Variants in SNRNP40 observed in about 807,000 individuals in gnomAD.
SNRNP40 encodes U5 small nuclear ribonucleoprotein 40 kDa protein.
Under a neutral mutation model 45.8 loss-of-function variants are expected in SNRNP40, and 21 were observed. The ratio of observed to expected loss-of-function variants is 0.46; its 90% CI spans 0.32 to 0.66. The LOEUF (loss-of-function observed/expected upper bound fraction) is 0.66. Ranked by LOEUF, SNRNP40 falls within the 30% of genes least tolerant of loss-of-function variation. The pLI is 0.03. For synonymous variants in SNRNP40, 142 were observed against 163.8 expected, an observed-to-expected ratio of 0.87 and a Z score of 1.01; for missense variants, 344 against 439.1, an observed-to-expected ratio of 0.78 and a Z score of 1.94.
intron 5 of SNRNP40, among the ~76,000 whole-genome samples, chr1:31,273,186 T>A (rs531203444): frequency 2.0e-4 from 30 of 152,352 alleles, no homozygotes; most frequent in African/African-American, 7.0e-4. Context: ...AAGCTGTTGT[T>A]CCTTCTCTTC....
chr1:31,261,082 TG>T (rs1645855715), intron 9 of SNRNP40: 1 of 1,217,932 alleles, frequency 8.2e-7, no homozygotes, highest in Non-Finnish European at 1.1e-6. Flanking sequence ...GGCTCACACC[TG>T]TAATCCCAGC....
chr1:31,259,781 AC>A lies in SNRNP40; in HGVS notation c.*290del. On this transcript the variant is annotated 3_prime_UTR_variant, in exon 10 of 10. Coordinates refer to ENST00000263694, the MANE Select transcript of SNRNP40 (RefSeq NM_004814.3). ...AAAAAAAAAAAAAAAATCCCAACCA[AC>A]AAATTTGTCACATTGGGCCTGCATT... 1 of 563,002 alleles carries A rather than the reference AC, an allele frequency of 1.8e-6. No individual in the cohort carries two copies. The highest frequency in any genetic ancestry group is 3.3e-6 in the Non-Finnish European group (1 of 306,482). The allele number at this position is 563,002 out of a possible 1,614,324, so 34.9% of individuals were successfully genotyped here. A position where few individuals can be genotyped will look rare whatever the true frequency, so the allele number is the denominator to read the frequency against.
chr1:31,293,381 C>T (rs1283945337), intron 1 of SNRNP40, 33 bp from the exon 2 acceptor site: 1 of 1,567,910 alleles, frequency 6.4e-7, no homozygotes. Flanking sequence ...GTAACTACTG[C>T]ATACAGACAA....
chr1:31,289,968 TC>T (rs1030057565), intron 3 of SNRNP40, among the ~76,000 whole-genome samples: 11 of 152,126 alleles, frequency 7.2e-5, no homozygotes, highest in African/African-American at 2.7e-4. Context: ...CAAGTGATCC[TC>T]CCACCTCAGC....
chr1:31,263,913 T>TAAAAAAAAA, intron 8 of SNRNP40, among the ~76,000 whole-genome samples: 1 of 107,006 alleles, frequency 9.3e-6, no homozygotes, highest in Non-Finnish European at 1.8e-5. Flanking sequence ...ATGTACTGGC[T>TAAAAAAAAA]AAAAAAAAAA....
chr1:31,287,674 C>G (rs1015703680), intron 4 of SNRNP40, among the ~76,000 whole-genome samples: 4 of 152,106 alleles, frequency 2.6e-5, no homozygotes, highest in African/African-American at 9.7e-5. Context: ...CAAGGGGCCC[C>G]AAGTGATTAG....
intron 1 of SNRNP40, 98 bp from the exon 2 acceptor site, chr1:31,293,446 T>C (rs1426367437): frequency 4.9e-6 from 6 of 1,227,442 alleles, no homozygotes; most frequent in Non-Finnish European, 6.7e-6. Flanking sequence ...AAGAAAACAA[T>C]GATTAAGTGG....
chr1:31,277,120 C>T (rs887543434), intron 5 of SNRNP40, among the ~76,000 whole-genome samples: 2 of 152,064 alleles, frequency 1.3e-5, no homozygotes, highest in Non-Finnish European at 2.9e-5. Flanking sequence ...TTGCTTGAGC[C>T]CAGAAGGTCA....
At chr1:31,296,372 T>G (rs1646157573) in intron 1 of SNRNP40, among the ~76,000 whole-genome samples, 1 of 152,210 alleles carries the variant, frequency 6.6e-6, no homozygotes, top group African/African-American at 2.4e-5. Flanking sequence ...GGTCCTCAAC[T>G]CTAATTCTAA....
chr1:31,289,357 C>G lies in SNRNP40; in HGVS notation c.428G>C (p.Arg143Thr). ...VAVWDSETGE[R>T]VKRLKGHTSF... ...AGTATGTCCCTTTAGCCTTTTAACC[C>G]TCTCACCTGTTTCACTATCCCACAC... is the stretch of plus-strand genomic sequence containing the variant. Residue 143 changes from arginine to threonine, a missense_variant, in exon 4 of 10, where the codon AGG (arginine) becomes ACG (threonine). Physicochemically the swap from Arg to Thr is moderately conservative, Grantham distance 71 (BLOSUM62 -1). This residue lies in a region of SNRNP40 where 254 missense variants were observed against 380.2 expected (regional missense o/e 0.67). Transcript: ENST00000263694. The G allele has an allele frequency of 6.2e-7, 1 of 1,614,138 alleles. No individual in the cohort carries two copies. The highest frequency in any genetic ancestry group is 8.5e-7 in the Non-Finnish European group (1 of 1,179,962).
chr1:31,278,632 T>G (rs1383606571), intron 5 of SNRNP40, among the ~76,000 whole-genome samples: 4 of 152,220 alleles, frequency 2.6e-5, no homozygotes, highest in Non-Finnish European at 5.9e-5. Flanking sequence ...GTTCTGATTC[T>G]TCATTCTCCA....
intron 3 of SNRNP40, 110 bp from the exon 4 acceptor site, chr1:31,289,529 G>A: frequency 1.1e-6 from 1 of 871,192 alleles, no homozygotes; most frequent in South Asian, 1.6e-5. Context: ...CTGACCTGCT[G>A]TGCTACGCCA....
rs146413335 is a variant in SNRNP40 at position 31,274,975 on chromosome 1, A to G, written c.655-3476T>C. Reference sequence around the variant, plus strand: ...CAAATAAAAACCAGGCTCTCTGAGGAGCATCTCCTAATATAGTGAGGCAGT... The same window carrying G: ...CAAATAAAAACCAGGCTCTCTGAGGGGCATCTCCTAATATAGTGAGGCAGT... On this transcript the variant is annotated intron_variant, in intron 5 of 9. Coordinates refer to ENST00000263694, the MANE Select transcript of SNRNP40 (RefSeq NM_004814.3). 1.3e-3 allele frequency among the ~76,000 whole-genome samples: 200 copies of G among 152,336 alleles called. 1 individual carries two copies. The highest frequency in any genetic ancestry group is 4.7e-3 in the African/African-American group (194 of 41,582).
intron 8 of SNRNP40, among the ~76,000 whole-genome samples, chr1:31,267,226 T>A (rs1645903374): frequency 6.6e-6 from 1 of 152,036 alleles, no homozygotes; most frequent in Non-Finnish European, 1.5e-5. Flanking sequence ...AGGTGGGTAT[T>A]TAATATGTGT....
chr1:31,281,743 A>G (rs572042192), intron 4 of SNRNP40: 1 of 319,354 alleles, frequency 3.1e-6, no homozygotes, highest in South Asian at 8.5e-5. Flanking sequence ...TGAAGTGAAC[A>G]GAGTTAAATC....
intron 6 of SNRNP40, chr1:31,269,617 A>C (rs1645923352): frequency 5.3e-6 from 2 of 374,550 alleles, no homozygotes; most frequent in South Asian, 2.1e-4. Flanking sequence ...AACTACTGTG[A>C]CAATGAACTT....
intron 4 of SNRNP40, among the ~76,000 whole-genome samples, chr1:31,286,115 T>G (rs1318353109): frequency 6.6e-6 from 1 of 152,118 alleles, no homozygotes; most frequent in Non-Finnish European, 1.5e-5. Flanking sequence ...GGGGTCTTGT[T>G]GCTCCTAAAC....
chr1:31,280,745 A>G (rs537899994), intron 5 of SNRNP40, among the ~76,000 whole-genome samples: 1 of 151,542 alleles, frequency 6.6e-6, no homozygotes, highest in East Asian at 1.9e-4. Context: ...AATCCCCACA[A>G]TGGTATGTGG....
Position 31,271,394 on chromosome 1 carries a change from C to T in SNRNP40, c.760G>A (p.Ala254Thr). ...SSEGSYLLSN[A>T]MDNTVRVWDV... ...CCAAAGTTACCTGTATTGTCCATTGCATTGGACAAAAGATAAGAGCCTTCA... is the reference window on the plus strand; with the variant it reads ...CCAAAGTTACCTGTATTGTCCATTGTATTGGACAAAAGATAAGAGCCTTCA... The change falls in exon 6 of 10, where the codon GCA becomes ACA. Residue 254 changes from alanine (A) to threonine (T), a missense_variant. This residue lies in a region of SNRNP40 where 254 missense variants were observed against 380.2 expected (regional missense o/e 0.67). Transcript: ENST00000263694. 6.2e-7 allele frequency: 1 copy of T among 1,613,286 alleles called. No homozygotes were observed. Among genetic ancestry groups the T allele is most frequent in the Non-Finnish European group, 8.5e-7 (1 of 1,179,818 alleles).
Sources: allele counts gnomAD v4.1 joint callset (sites outside exome capture counted in the v4.1 genomes callset), GRCh38; gene constraint gnomAD v4.1.1; regional missense constraint gnomAD v4.1.1; transcripts MANE v1.5; gene names NCBI Gene and HGNC (gene_info 2026-07-23, HGNC 2026-07-21).